CATSPER1: variants seen among roughly 807,000 people sequenced by gnomAD.
CATSPER1 encodes cation channel sperm-associated protein 1.
In CATSPER1, 57 loss-of-function variants were observed where a neutral mutation model predicts 72.7. The observed-to-expected ratio is 0.78, with a 90% CI of 0.63 to 0.98. The LOEUF (loss-of-function observed/expected upper bound fraction) is 0.98. CATSPER1 is among the 50% of genes least tolerant of loss of function. The pLI is 0.00. For missense variants in CATSPER1, 910 were observed against 1,033.9 expected, an observed-to-expected ratio of 0.88 and a Z score of 1.64; for synonymous variants, 363 against 403.0, an observed-to-expected ratio of 0.90 and a Z score of 1.19.
In CATSPER1 at chr11:66,020,033, TA is replaced by T; in HGVS notation, c.2125+106del. On this transcript the variant is annotated intron_variant, in intron 9 of 11. Transcript: ENST00000312106. The surrounding 1 kb of genome is among the most constrained non-coding windows in gnomAD (Gnocchi z 4.5). ...TCCTGAGTCTCAAATTCTAAAACTC[TA>T]AAACTGAGTCTGGAATTCTGTGACT... is the stretch of plus-strand genomic sequence containing the variant. 8.2e-7 allele frequency: 1 copy of T among 1,221,018 alleles called. No homozygotes were observed. The highest frequency in any genetic ancestry group is 1.2e-6 in the Non-Finnish European group (1 of 853,376). The allele number at this position is 1,221,018 out of a possible 1,614,324, so 75.6% of individuals were successfully genotyped here.
chr11:66,020,229 G>C lies in CATSPER1; in HGVS notation c.2065-29C>G. The C allele has an allele frequency of 6.2e-7, 1 of 1,614,046 alleles. No individual in the cohort carries two copies. The highest frequency in any genetic ancestry group is 8.5e-7 in the Non-Finnish European group (1 of 1,179,964). ...GGAAGAAGAGGCCTCAGATCTGCCA[G>C]AGTCCCAGGCCTGCTCAACCCTGGA... On this transcript the variant is annotated intron_variant, in intron 8 of 11. Coordinates refer to ENST00000312106, the MANE Select transcript of CATSPER1 (RefSeq NM_053054.4). This position sits in a 1 kb window ranked among gnomAD's most constrained non-coding sequence, Gnocchi z 4.5.
At position 66,025,323 on chromosome 11, in the gene CATSPER1, C is replaced by T. The variant is rs1191715; in HGVS notation, c.1057G>A (p.Val353Ile). ...TGAGCCGAGCCCCGTGGGTGTGCTACGTGATAGGGGAAGACTCCTGTACGA... is the reference window on the plus strand; with the variant it reads ...TGAGCCGAGCCCCGTGGGTGTGCTATGTGATAGGGGAAGACTCCTGTACGA... ...ASRTGVFPYH[V>I]AHPRGSAHSM... The change falls in exon 1 of 12, where the codon GTA becomes ATA. Residue 353 changes from valine to isoleucine, a missense_variant. Physicochemically the swap from Val to Ile is conservative, Grantham distance 29. Coordinates refer to ENST00000312106, the MANE Select transcript of CATSPER1 (RefSeq NM_053054.4). The T allele has an allele frequency of 2.7e-3, 4,331 of 1,614,006 alleles. 81 individuals carry two copies. The African/African-American group carries it at 0.049, about 18-fold the overall frequency.
At chr11:66,025,093 G>A (rs1053896548) in intron 1 of CATSPER1, 71 bp downstream of exon 1, 33 of 1,596,210 alleles carry the variant, frequency 2.1e-5, no homozygotes, top group Middle Eastern at 1.7e-4. Context: ...AGGACAGTGC[G>A]GGGCCGAGAT....
chr11:66,025,919 T>C lies in CATSPER1; in HGVS notation c.461A>G (p.Tyr154Cys), dbSNP rs774043595. 6.2e-7 allele frequency: 1 copy of C among 1,612,834 alleles called. No homozygotes were observed. The highest frequency in any genetic ancestry group is 1.1e-5 in the South Asian group (1 of 91,002). ...ATAGTGGGATAAATTCTCACCGAGA[T>C]ATTGGGGTCTGCCATGGTGAGACCC... The part of the protein sequence containing the change: ...HRGSHHGRPQ[Y>C]LGENLSHYSS... Residue 154 changes from tyrosine to cysteine, a missense_variant, in exon 1 of 12, where the codon TAT becomes TGT. Physicochemically the swap from Tyr to Cys is radical, Grantham distance 194. Transcript: ENST00000312106.
chr11:66,022,260 A>C (rs1013188128), intron 2 of CATSPER1, among the ~76,000 whole-genome samples: 1 of 152,294 alleles, frequency 6.6e-6, no homozygotes, highest in Middle Eastern at 3.4e-3. Flanking sequence ...GAATCACTTG[A>C]ACCCGGGAGG....
intron 2 of CATSPER1, 131 bp from the exon 3 acceptor site, chr11:66,022,010 A>G: frequency 4.1e-6 from 3 of 734,744 alleles, no homozygotes; most frequent in Non-Finnish European, 7.4e-6. Context: ...GCGCGACTTC[A>G]CTACTGCTGT....
Position 66,025,272 on chromosome 11 carries a change from T to C in CATSPER1, c.1108A>G (p.Ile370Val), listed in dbSNP as rs778848109. Residue 370 changes from isoleucine to valine, a missense_variant, in exon 1 of 12, where the codon ATC becomes GTC. Ile to Val is a conservative substitution (Grantham distance 29). Coordinates refer to ENST00000312106, the MANE Select transcript of CATSPER1 (RefSeq NM_053054.4). ...AHSMTRSSST[I>V]RSRVTQMSKK... ...GACATCTGGGTGACACGTGAGCGGA[T>C]TGTGCTGGAGGACCGAGTCATGCTG... 1 of 1,614,086 alleles carries C rather than the reference T, an allele frequency of 6.2e-7. No individual in the cohort carries two copies. Among genetic ancestry groups the C allele is most frequent in the South Asian group, 1.1e-5 (1 of 91,080 alleles).
intron 9 of CATSPER1, among the ~76,000 whole-genome samples, 198 bp downstream of exon 9, chr11:66,019,942 A>C (rs2134988769): frequency 6.6e-6 from 1 of 150,764 alleles, no homozygotes. Flanking sequence ...AAAAAAAAAA[A>C]AAGACTTGAC....
rs1477378835 is a variant in CATSPER1 at position 66,021,551 on chromosome 11, TGAG to T, written c.1633_1635del (p.Leu545del). 3.8e-5 allele frequency: 61 copies of T among 1,613,672 alleles called. No homozygotes were observed. Among genetic ancestry groups the T allele is most frequent in the Non-Finnish European group, 4.8e-5 (57 of 1,179,930 alleles). Reference sequence around the variant, plus strand: ...AGGGCCCGCAGGCTCTTGAAGACCTTGAGGATCCGGAAGAGGCTTTGGTGGTAG... The same window carrying T: ...AGGGCCCGCAGGCTCTTGAAGACCTTGATCCGGAAGAGGCTTTGGTGGTAG... On this transcript the variant is annotated inframe_deletion, in exon 4 of 12. Transcript: ENST00000312106.
intron 2 of CATSPER1, 109 bp from the exon 3 acceptor site, chr11:66,021,988 G>C: frequency 3.6e-6 from 3 of 841,974 alleles, no homozygotes; most frequent in Non-Finnish European, 6.1e-6. Flanking sequence ...CCCCGGCTCT[G>C]CGTAAGCAGC....
chr11:66,016,788 A>C lies in CATSPER1; in HGVS notation c.*102T>G. The C allele has an allele frequency of 3.7e-6, 5 of 1,361,560 alleles. No individual in the cohort carries two copies. Among genetic ancestry groups the C allele is most frequent in the Non-Finnish European group, 5.1e-6 (5 of 987,104 alleles). 84.3% of individuals were successfully genotyped at this position (1,361,560 alleles called of 1,614,324 possible). On this transcript the variant is annotated 3_prime_UTR_variant, in exon 12 of 12. Transcript: ENST00000312106. The stretch of plus-strand genomic sequence containing the variant: ...AACTCTGTTGGGGCCCCTGCTCTGC[A>C]GGGCCCGGACAATCATTCCAGCAGA...
In CATSPER1 at chr11:66,023,033, C is replaced by G. The variant is rs781055586; in HGVS notation, c.1245G>C (p.Lys415Asn). 13 of 1,614,102 alleles carry G rather than the reference C, an allele frequency of 8.1e-6. 1 individual carries two copies. The highest frequency in any genetic ancestry group is 1.0e-5 in the Non-Finnish European group (12 of 1,180,032). ...KTGRLQRTRKKGHSTNLFQWL... is the reference protein window; with the variant it reads ...KTGRLQRTRKNGHSTNLFQWL... ...ACTGGAAGAGATTGGTAGAGTGTCC[C>G]TTCTTGCGGGTCCGCTGGAGCCGGC... Residue 415 changes from lysine (K) to asparagine (N), a missense_variant, in exon 2 of 12, where the codon AAG becomes AAC. Lys to Asn is a moderately conservative substitution (Grantham distance 94). Transcript: ENST00000312106.
Position 66,023,024 on chromosome 11 carries a change from A to G in CATSPER1, c.1254T>C (p.Ser418=). The change falls in exon 2 of 12, where the codon TCT becomes TCC. Residue 418 remains serine (S), a synonymous_variant. Transcript: ENST00000312106. ...RLQRTRKKGH[S]TNLFQWLWEK... Reference sequence around the variant, plus strand: ...CCCACAGCCACTGGAAGAGATTGGTAGAGTGTCCCTTCTTGCGGGTCCGCT... The same window carrying G: ...CCCACAGCCACTGGAAGAGATTGGTGGAGTGTCCCTTCTTGCGGGTCCGCT... 3 of 1,614,208 alleles carry G rather than the reference A, an allele frequency of 1.9e-6. No homozygotes were observed. Among genetic ancestry groups the G allele is most frequent in the Non-Finnish European group, 2.5e-6 (3 of 1,180,026 alleles).
In CATSPER1 at chr11:66,023,033, C is replaced by T; in HGVS notation, c.1245G>A (p.Lys415=). 1.7e-5 allele frequency: 27 copies of T among 1,614,102 alleles called. No homozygotes were observed. The highest frequency in any genetic ancestry group is 2.3e-5 in the Non-Finnish European group (27 of 1,180,032). Residue 415 remains lysine, a synonymous_variant, in exon 2 of 12, where the codon AAG becomes AAA. Transcript: ENST00000312106. ...ACTGGAAGAGATTGGTAGAGTGTCC[C>T]TTCTTGCGGGTCCGCTGGAGCCGGC... ...KTGRLQRTRK[K]GHSTNLFQWL...
intron 1 of CATSPER1, among the ~76,000 whole-genome samples, chr11:66,024,638 C>G (rs1298357457): frequency 6.6e-6 from 1 of 152,136 alleles, no homozygotes; most frequent in Non-Finnish European, 1.5e-5. Context: ...AGCTAAAGGC[C>G]ATGGTCCCTC....
Position 66,016,847 on chromosome 11 carries a change from A to G in CATSPER1, c.*43T>C, listed in dbSNP as rs909896687. ...CCCGTCCCAGTGCACCCAGGTGGGC[A>G]GACTGCCAGGGGCTGAAGTCTGTAT... On this transcript the variant is annotated 3_prime_UTR_variant, in exon 12 of 12. Coordinates refer to ENST00000312106, the MANE Select transcript of CATSPER1 (RefSeq NM_053054.4). The G allele has an allele frequency of 1.2e-6, 2 of 1,603,106 alleles. No individual in the cohort carries two copies. Among genetic ancestry groups the G allele is most frequent in the African/African-American group, 1.3e-5 (1 of 74,718 alleles).
At chr11:66,019,870 T>A (rs1349830300) in intron 9 of CATSPER1, among the ~76,000 whole-genome samples, 1 of 131,950 alleles carries the variant, frequency 7.6e-6, no homozygotes, top group African/African-American at 2.9e-5. Context: ...TGAGCAGAGA[T>A]TGCAGCACCG....
intron 4 of CATSPER1, 105 bp downstream of exon 4, chr11:66,021,391 C>T (rs946326709): frequency 2.3e-5 from 33 of 1,425,232 alleles, no homozygotes; most frequent in African/African-American, 7.1e-5. Context: ...CAGCCTCCTG[C>T]GCCCCCATCC....
intron 9 of CATSPER1, among the ~76,000 whole-genome samples, chr11:66,019,188 C>T (rs1024975295): frequency 1.3e-5 from 2 of 152,032 alleles, no homozygotes; most frequent in African/African-American, 4.8e-5. Context: ...TTCAGGGATA[C>T]CCCCTTTCAG....
Sources: allele counts gnomAD v4.1 joint callset (sites outside exome capture counted in the v4.1 genomes callset), GRCh38; gene constraint gnomAD v4.1.1; non-coding constraint Gnocchi (gnomAD v3.1); transcripts MANE v1.5; gene names NCBI Gene and HGNC (gene_info 2026-07-23, HGNC 2026-07-21).